Variants in ABR observed in about 807,000 individuals in gnomAD.
The protein encoded by ABR is ABR activator of RhoGEF and GTPase, also known as active breakpoint cluster region-related protein.
In ABR, 35 loss-of-function variants were observed where a neutral mutation model predicts 107.2. The ratio of observed to expected loss-of-function variants is 0.33; its 90% CI spans 0.25 to 0.43. The LOEUF is 0.43. Ranked by LOEUF, ABR falls within the 20% of genes least tolerant of loss-of-function variation. ABR has a pLI of 1.00. For missense variants in ABR, 815 were observed against 1,115.2 expected, an observed-to-expected ratio of 0.73 and a Z score of 3.83; for synonymous variants, 498 against 462.0, an observed-to-expected ratio of 1.08 and a Z score of -1.00.
intron 5 of ABR, among the ~76,000 whole-genome samples, chr17:1,081,595 C>T (rs892938778): frequency 2.0e-5 from 3 of 151,206 alleles, no homozygotes; most frequent in Non-Finnish European, 3.0e-5. Flanking sequence ...TTTTTTTTTT[C>T]CAGACAGGGT....
At chr17:1,213,381 G>C (rs1222806719) in intron 1 of ABR, among the ~76,000 whole-genome samples, 1 of 152,076 alleles carries the variant, frequency 6.6e-6, no homozygotes, top group Non-Finnish European at 1.5e-5. Flanking sequence ...TAAGGCTGCA[G>C]AGCTTGAAGG....
rs1007273017 is a variant in ABR at position 1,179,085 on chromosome 17, G to A, written c.61+582C>T. On this transcript the variant is annotated intron_variant, in intron 1 of 22. Transcript: ENST00000302538. This position sits in a 1 kb window ranked among gnomAD's most constrained non-coding sequence, Gnocchi z 4.9. ...CTGGCAGGAAAGATTGCTGAGCCCG[G>A]GATTTTCAGCTCCCGCATCCAAACG... is the stretch of plus-strand genomic sequence containing the variant. Among the ~76,000 whole-genome samples the A allele has an allele frequency of 1.3e-5, 2 of 151,792 alleles. No individual in the cohort carries two copies. The highest frequency in any genetic ancestry group is 6.6e-5 in the Admixed American group (1 of 15,250).
chr17:1,101,765 G>A (rs534925705), intron 2 of ABR, among the ~76,000 whole-genome samples: 5 of 147,640 alleles, frequency 3.4e-5, no homozygotes, highest in East Asian at 2.0e-4. Context: ...ACGGAGTCTC[G>A]CTCTGTCGCC....
At chr17:1,131,969 C>G (rs1253989222) in intron 1 of ABR, among the ~76,000 whole-genome samples, 3 of 120,856 alleles carry the variant, frequency 2.5e-5, no homozygotes, top group Non-Finnish European at 5.3e-5. Context: ...GTGCCTGCCA[C>G]GCGCACAGCT....
At position 1,175,372 on chromosome 17, in the gene ABR, G is replaced by A. The variant is rs532769293; in HGVS notation, c.61+4295C>T. 1.2e-4 allele frequency among the ~76,000 whole-genome samples: 18 copies of A among 152,204 alleles called. 1 individual carries two copies. In the South Asian group the frequency reaches 3.3e-3, roughly 28 times the overall value. ...GGTTGCAGTGAGCCGAGATCGCACC[G>A]CCGCACTCCAGCCTGGGCGAGAGAG... On this transcript the variant is annotated intron_variant, in intron 1 of 22. Coordinates refer to ENST00000302538, the MANE Select transcript of ABR (RefSeq NM_021962.5).
chr17:1,016,674 G>A lies in ABR; in HGVS notation c.1792-3510C>T, dbSNP rs370690429. 4.1e-4 allele frequency among the ~76,000 whole-genome samples: 62 copies of A among 152,074 alleles called. 1 individual carries two copies. The highest frequency in any genetic ancestry group is 1.4e-3 in the African/African-American group (57 of 41,386). On this transcript the variant is annotated intron_variant, in intron 16 of 22. Transcript: ENST00000302538. ...CCCACCCAGGAGGTCTGCGCACCCCGGGCCAAGCCCCGACAGCCAGCCTCA... is the reference window on the plus strand; with the variant it reads ...CCCACCCAGGAGGTCTGCGCACCCCAGGCCAAGCCCCGACAGCCAGCCTCA...
Position 1,125,548 on chromosome 17 carries a change from AGGCACCGGGCCCTGCCCGCTCCGG to A in ABR, c.62-205_62-182del, listed in dbSNP as rs552759536. ...TGGTGAGGGGCGGGGGAGAGCCAGC[AGGCACCGGGCCCTGCCCGCTCCGG>A]GGCTGCTGGGAGGCGGGGAGGAGCG... On this transcript the variant is annotated intron_variant, in intron 1 of 22. Transcript: ENST00000302538. The A allele has an allele frequency of 6.2e-4, 288 of 463,948 alleles. 3 individuals are homozygous for A. Among genetic ancestry groups the A allele is most frequent in the African/African-American group, 5.5e-3 (265 of 48,334 alleles). 28.7% of individuals were successfully genotyped at this position (463,948 alleles called of 1,614,324 possible).
chr17:1,216,363 G>C (rs2043010041), intron 1 of ABR, among the ~76,000 whole-genome samples: 1 of 152,182 alleles, frequency 6.6e-6, no homozygotes, highest in East Asian at 1.9e-4. Flanking sequence ...ACGCAGGAGT[G>C]AGTAGCAGAG....
upstream of ABR, among the ~76,000 whole-genome samples, chr17:1,190,362 G>A (rs372156380): frequency 2.6e-5 from 4 of 152,268 alleles, no homozygotes; most frequent in East Asian, 1.9e-4. Context: ...GGCCAGGCAC[G>A]GTGGCTCACG....
At chr17:1,095,752 G>T (rs1017121046) in intron 3 of ABR, among the ~76,000 whole-genome samples, 6 of 152,176 alleles carry the variant, frequency 3.9e-5, no homozygotes, top group Admixed American at 3.9e-4. Context: ...TCACATAGCC[G>T]TTTGTCAGCT....
intron 6 of ABR, among the ~76,000 whole-genome samples, chr17:1,074,111 C>A (rs1328597000): frequency 1.3e-5 from 2 of 149,834 alleles, no homozygotes; most frequent in East Asian, 4.0e-4. Context: ...CCCAGCCACG[C>A]CCCGAAGAGT....
At chr17:1,122,298 C>G (rs73975638) in intron 2 of ABR, among the ~76,000 whole-genome samples, 2,276 of 152,316 alleles carry the variant, frequency 0.015, 71 homozygotes, top group African/African-American at 0.052. Flanking sequence ...TCTAGGCCAA[C>G]CTGACTAGGC....
At chr17:1,202,667 A>C (rs1334458727) in intron 1 of ABR, among the ~76,000 whole-genome samples, 4 of 152,110 alleles carry the variant, frequency 2.6e-5, no homozygotes, top group Non-Finnish European at 5.9e-5. Context: ...AGGAAAGGGA[A>C]GGTGATCCAT....
At chr17:1,100,904 A>C in intron 2 of ABR, 169 bp from the exon 3 acceptor site, 3 of 628,302 alleles carry the variant, frequency 4.8e-6, no homozygotes, top group African/African-American at 1.8e-5. Context: ...GCTCACTGCA[A>C]CCTCCGCCTC....
At chr17:1,193,951 C>T (rs2042494212) in intron 1 of ABR, among the ~76,000 whole-genome samples, 1 of 152,110 alleles carries the variant, frequency 6.6e-6, no homozygotes, top group African/African-American at 2.4e-5. Context: ...ACCTTGGCCT[C>T]TCAAAGTGCT....
At chr17:1,039,883 G>C (rs2030032136) in intron 16 of ABR, among the ~76,000 whole-genome samples, 1 of 152,230 alleles carries the variant, frequency 6.6e-6, no homozygotes, top group Non-Finnish European at 1.5e-5. Flanking sequence ...TGATCTTCCA[G>C]GGAGAGGTCA....
chr17:1,012,105 CG>C, intron 18 of ABR, 120 bp from the exon 19 acceptor site: 3 of 1,518,122 alleles, frequency 2.0e-6, no homozygotes, highest in South Asian at 1.1e-5. Flanking sequence ...AGAGCTGGGG[CG>C]GGGGCAGGGG....
Position 1,203,390 on chromosome 17 carries a change from G to A in ABR, c.838+25403C>T, listed in dbSNP as rs1166769249. Among the ~76,000 whole-genome samples the A allele has an allele frequency of 5.1e-5, 3 of 58,856 alleles. No individual in the cohort carries two copies. In the East Asian group the frequency reaches 8.1e-4, roughly 16 times the overall value. 38.6% of individuals were successfully genotyped at this position (58,856 alleles called of 152,430 possible). A position where few individuals can be genotyped will look rare whatever the true frequency, so the allele number is the denominator to read the frequency against. On this transcript the variant is annotated intron_variant, in intron 1 of 22. Coordinates refer to the ABR transcript ENST00000574139. ...CCCGTGGGGGCGGGGCCTTGAGGGG[G>A]CGGGGCCCGCGGGGGGCGGAGTCTG...
intron 1 of ABR, among the ~76,000 whole-genome samples, chr17:1,195,262 G>C (rs1369290101): frequency 7.9e-6 from 1 of 126,906 alleles, no homozygotes; most frequent in Non-Finnish European, 1.6e-5. Flanking sequence ...AGCGGAGATC[G>C]CGCCACAGCA....
Sources: gnomAD v4.1 joint callset for allele counts (sites outside exome capture counted in the v4.1 genomes callset) on GRCh38, gnomAD v4.1.1 for gene constraint, Gnocchi (gnomAD v3.1) non-coding constraint, MANE v1.5 for transcripts, NCBI Gene and HGNC (gene_info 2026-07-23, HGNC 2026-07-21) for gene names.